NYAP2: variants seen among roughly 807,000 people sequenced by gnomAD.
NYAP2 encodes the protein neuronal tyrosine-phosphorylated phosphoinositide-3-kinase adapter 2.
Under a neutral mutation model 50.4 loss-of-function variants are expected in NYAP2, and 23 were observed. The observed-to-expected ratio is 0.46, with a 90% CI of 0.33 to 0.65. NYAP2 has a LOEUF of 0.65. NYAP2 is among the 30% of genes least tolerant of loss of function. The probability of loss-of-function intolerance (pLI) is 0.02; values close to 1 mark genes in which losing one functional copy is unlikely to be tolerated. For synonymous variants in NYAP2, 394 were observed against 365.2 expected (o/e 1.08, Z -0.90); for missense variants, 885 against 861.0 (o/e 1.03, Z -0.35).
At chr2:225,568,150 A>G (rs943792054) in intron 4 of NYAP2, among the ~76,000 whole-genome samples, 1 of 152,150 alleles carries the variant, frequency 6.6e-6, no homozygotes, top group African/African-American at 2.4e-5. Flanking sequence ...TTACAAAGTC[A>G]TTAGACCTTA....
chr2:225,685,965 GC>G, the NYAP2 span, among the ~76,000 whole-genome samples: 1 of 151,988 alleles, frequency 6.6e-6, no homozygotes, highest in African/African-American at 2.4e-5. Context: ...TCTTTTTCAT[GC>G]AATATTATGA....
At chr2:225,496,567 G>GA (rs1690509561) in intron 3 of NYAP2, among the ~76,000 whole-genome samples, 1 of 151,884 alleles carries the variant, frequency 6.6e-6, no homozygotes, top group South Asian at 2.1e-4. Flanking sequence ...GTTATAAATG[G>GA]AAAAAACAAA....
At chr2:225,615,973 C>A (rs925321591) in intron 5 of NYAP2, among the ~76,000 whole-genome samples, 4 of 152,110 alleles carry the variant, frequency 2.6e-5, no homozygotes, top group Admixed American at 6.5e-5. Flanking sequence ...AAGAAAAAGG[C>A]TTTTTCTTTA....
intron 5 of NYAP2, among the ~76,000 whole-genome samples, chr2:225,602,396 C>G (rs1692707333): frequency 6.6e-6 from 1 of 152,190 alleles, no homozygotes; most frequent in African/African-American, 2.4e-5. Flanking sequence ...TCTGGGTTCA[C>G]AGACTGAGTG....
intron 6 of NYAP2, among the ~76,000 whole-genome samples, chr2:225,645,867 T>C (rs1057010022): frequency 1.1e-4 from 16 of 152,118 alleles, no homozygotes; most frequent in African/African-American, 3.9e-4. Context: ...TTTCCAAAGG[T>C]AGGTGAGCCA....
At chr2:225,669,709 T>C in the NYAP2 span, among the ~76,000 whole-genome samples, 2 of 152,144 alleles carry the variant, frequency 1.3e-5, no homozygotes, top group Non-Finnish European at 1.5e-5. Context: ...TTTATTAATA[T>C]TTAAAATGCT....
intron 3 of NYAP2, among the ~76,000 whole-genome samples, chr2:225,464,271 C>T (rs1353453057): frequency 6.6e-6 from 1 of 152,164 alleles, no homozygotes; most frequent in African/African-American, 2.4e-5. Flanking sequence ...TGCAGCTGGA[C>T]CTCTCCCTCT....
At chr2:225,436,758 A>AAAAAG (rs1553538803) in intron 3 of NYAP2, among the ~76,000 whole-genome samples, 1 of 141,838 alleles carries the variant, frequency 7.1e-6, no homozygotes, top group African/African-American at 2.6e-5. Flanking sequence ...AAAAAAAAAA[A>AAAAAG]AGAGAGAAGA....
chr2:225,668,859 G>C, the NYAP2 span, among the ~76,000 whole-genome samples: 1 of 151,456 alleles, frequency 6.6e-6, no homozygotes, highest in Non-Finnish European at 1.5e-5. Flanking sequence ...ATTCATTTGG[G>C]CTAGAAATTA....
chr2:225,651,652 A>C, exon 7 of NYAP2: 1 of 1,453,844 alleles, frequency 6.9e-7, no homozygotes, highest in Non-Finnish European at 9.5e-7. Context: ...TTATTTTTCT[A>C]TGTGTGTATG....
intron 3 of NYAP2, among the ~76,000 whole-genome samples, chr2:225,439,881 A>C (rs1689443471): frequency 6.6e-6 from 1 of 152,220 alleles, no homozygotes; most frequent in African/African-American, 2.4e-5. Flanking sequence ...AAGACGTTTA[A>C]TTGACTCACA....
At chr2:225,403,549 T>C (rs1230284165) in intron 2 of NYAP2, among the ~76,000 whole-genome samples, 1 of 151,876 alleles carries the variant, frequency 6.6e-6, no homozygotes, top group Non-Finnish European at 1.5e-5. Context: ...GCTTCAGGTA[T>C]TAAGATTAGG....
intron 3 of NYAP2, among the ~76,000 whole-genome samples, chr2:225,434,191 A>G (rs946415718): frequency 1.3e-5 from 2 of 152,166 alleles, no homozygotes; most frequent in African/African-American, 4.8e-5. Flanking sequence ...TGGAGCTGCA[A>G]TAGGTAAGAT....
chr2:225,620,898 G>A (rs1286868876), intron 5 of NYAP2, among the ~76,000 whole-genome samples: 3 of 152,102 alleles, frequency 2.0e-5, no homozygotes, highest in African/African-American at 4.8e-5. Context: ...GGTGGATCAC[G>A]AGGGCGGGAG....
At chr2:225,645,728 C>A (rs1215468776) in intron 6 of NYAP2, among the ~76,000 whole-genome samples, 1 of 152,104 alleles carries the variant, frequency 6.6e-6, no homozygotes, top group Admixed American at 6.6e-5. Context: ...GATCTCTTTC[C>A]AGGTATGTGC....
rs115434609 is a variant in NYAP2 at position 225,644,956 on chromosome 2, G to C, written c.1829-6476G>C. Among the ~76,000 whole-genome samples, 808 of 152,224 alleles carry C rather than the reference G, an allele frequency of 5.3e-3. 9 individuals are homozygous for C. Among genetic ancestry groups the C allele is most frequent in the African/African-American group, 0.019 (780 of 41,548 alleles). ...TTTGGTTCCATAAAAAGCAATGAAAGTTTATTAGGAACAAAAAGAATGTCC... is the reference window on the plus strand; with the variant it reads ...TTTGGTTCCATAAAAAGCAATGAAACTTTATTAGGAACAAAAAGAATGTCC... On this transcript the variant is annotated intron_variant, in intron 6 of 6. Coordinates refer to ENST00000636099, the Ensembl canonical transcript of NYAP2.
At chr2:225,405,043 T>C (rs972818435) in intron 2 of NYAP2, among the ~76,000 whole-genome samples, 7 of 152,016 alleles carry the variant, frequency 4.6e-5, no homozygotes, top group Non-Finnish European at 7.4e-5. Flanking sequence ...ACATCTGTCT[T>C]CTAAATGAAG....
At chr2:225,475,642 A>C (rs916785647) in intron 3 of NYAP2, among the ~76,000 whole-genome samples, 4 of 152,244 alleles carry the variant, frequency 2.6e-5, no homozygotes, top group Non-Finnish European at 4.4e-5. Context: ...AATAAGTTTC[A>C]TATCTGAAAA....
intron 4 of NYAP2, among the ~76,000 whole-genome samples, chr2:225,557,501 A>G (rs1170175998): frequency 6.6e-6 from 1 of 152,176 alleles, no homozygotes; most frequent in Non-Finnish European, 1.5e-5. Context: ...AGTGGAGAAA[A>G]TAGATGTGTG....
Sources: gnomAD v4.1 joint callset for allele counts (sites outside exome capture counted in the v4.1 genomes callset) on GRCh38, gnomAD v4.1.1 for gene constraint, MANE v1.5 for transcripts, NCBI Gene and HGNC (gene_info 2026-07-23, HGNC 2026-07-21) for gene names.